SLC30A9: variants seen among roughly 807,000 people sequenced by gnomAD.
SLC30A9 encodes solute carrier family 30 member 9.
SLC30A9 carries 58 observed loss-of-function variants against 87.5 expected under a neutral mutation model. That is an observed-to-expected ratio of 0.66 (90% CI 0.54 to 0.82). The LOEUF (loss-of-function observed/expected upper bound fraction) is 0.82. Among genes scored for constraint, SLC30A9 ranks in the 40% least tolerant of loss-of-function variants. The pLI, the probability that SLC30A9 is intolerant of heterozygous loss-of-function variation, is 0.00. For synonymous variants in SLC30A9, 234 were observed against 233.0 expected (o/e 1.00, Z -0.04); for missense variants, 557 against 679.1 (o/e 0.82, Z 2.00).
At chr4:42,083,335 A>T (rs1718807893) in intron 17 of SLC30A9, among the ~76,000 whole-genome samples, 1 of 152,242 alleles carries the variant, frequency 6.6e-6, no homozygotes, top group African/African-American at 2.4e-5. Context: ...CAATGCAAGG[A>T]ATATAGATTT....
Position 41,990,764 on chromosome 4 carries a change from A to G in SLC30A9, c.109+4A>G, listed in dbSNP as rs777852870. The stretch of plus-strand genomic sequence containing the variant: ...TGTAATCCCAGCGACCGCCAGGGTG[A>G]GTGTCCCGCGCTGGCCGCTGGCTCC... On this transcript the variant is annotated splice_donor_region_variant and intron_variant, in intron 1 of 17. Transcript: ENST00000264451. 9 of 1,604,138 alleles carry G rather than the reference A, an allele frequency of 5.6e-6. No homozygotes were observed. Among genetic ancestry groups the G allele is most frequent in the Non-Finnish European group, 1.7e-6 (2 of 1,174,114 alleles).
At chr4:41,993,609 A>T (rs1296959435) in intron 1 of SLC30A9, among the ~76,000 whole-genome samples, 1 of 152,192 alleles carries the variant, frequency 6.6e-6, no homozygotes, top group Admixed American at 6.5e-5. Flanking sequence ...ATAATACCCC[A>T]TATTGAGGGT....
intron 1 of SLC30A9, among the ~76,000 whole-genome samples, chr4:41,998,146 G>C (rs1295365106): frequency 2.0e-5 from 3 of 152,230 alleles, no homozygotes; most frequent in Non-Finnish European, 2.9e-5. Flanking sequence ...TGGAGAGAGA[G>C]AGGACAAGTA....
At chr4:42,062,860 T>C in intron 10 of SLC30A9, 126 bp from the exon 11 acceptor site, 1 of 808,558 alleles carries the variant, frequency 1.2e-6, no homozygotes, top group Non-Finnish European at 1.9e-6. Flanking sequence ...GCACTTAACA[T>C]CTTACTTAAA....
At chr4:41,996,106 T>G (rs904864141) in intron 1 of SLC30A9, among the ~76,000 whole-genome samples, 13 of 151,628 alleles carry the variant, frequency 8.6e-5, no homozygotes, top group African/African-American at 2.2e-4. Flanking sequence ...TTTTTTGTGG[T>G]TTTTTTTGAG....
intron 6 of SLC30A9, among the ~76,000 whole-genome samples, chr4:42,027,244 A>T (rs539139279): frequency 2.7e-4 from 41 of 152,384 alleles, no homozygotes; most frequent in Admixed American, 1.6e-3. Context: ...AATGAAATTT[A>T]AATTTCAGAG....
At chr4:42,045,849 C>A (rs1453233502) in intron 8 of SLC30A9, among the ~76,000 whole-genome samples, 1 of 152,180 alleles carries the variant, frequency 6.6e-6, no homozygotes, top group Non-Finnish European at 1.5e-5. Flanking sequence ...GCAAATCCAG[C>A]AGCATGTCAA....
chr4:42,062,876 A>AG, intron 10 of SLC30A9, 110 bp from the exon 11 acceptor site: 1 of 916,522 alleles, frequency 1.1e-6, no homozygotes, highest in African/African-American at 1.7e-5. Flanking sequence ...TTAAATATAA[A>AG]ATTATAACAT....
At chr4:42,023,750 G>T (rs1298266312) in intron 6 of SLC30A9, among the ~76,000 whole-genome samples, 1 of 152,114 alleles carries the variant, frequency 6.6e-6, no homozygotes, top group East Asian at 1.9e-4. Context: ...CCCAAGACTG[G>T]GTAGTTTATA....
chr4:42,024,561 A>G (rs1354027917), intron 6 of SLC30A9, among the ~76,000 whole-genome samples: 3 of 152,228 alleles, frequency 2.0e-5, no homozygotes, highest in Non-Finnish European at 1.5e-5. Flanking sequence ...GAATATTTAC[A>G]TAGGATTGAG....
chr4:42,041,027 G>A (rs534882743), intron 8 of SLC30A9, among the ~76,000 whole-genome samples: 1 of 152,102 alleles, frequency 6.6e-6, no homozygotes, highest in African/African-American at 2.4e-5. Flanking sequence ...GCAAGGAGGA[G>A]CAAGTTATGT....
intron 6 of SLC30A9, chr4:42,029,290 A>G: frequency 2.1e-6 from 1 of 486,480 alleles, no homozygotes; most frequent in South Asian, 1.7e-5. Flanking sequence ...TTTAGGCAGG[A>G]CTGGTGGCAG....
chr4:41,994,135 C>T (rs71608097), intron 1 of SLC30A9, among the ~76,000 whole-genome samples: 60 of 149,892 alleles, frequency 4.0e-4, no homozygotes, highest in Non-Finnish European at 7.4e-4. Flanking sequence ...CCAGCCTGGG[C>T]GACGAGCGAA....
chr4:41,990,588 T>G lies in SLC30A9; in HGVS notation c.-64T>G, dbSNP rs543136620. 6 of 965,700 alleles carry G rather than the reference T, an allele frequency of 6.2e-6. No homozygotes were observed. Among genetic ancestry groups the G allele is most frequent in the Non-Finnish European group, 9.6e-6 (6 of 625,364 alleles). The allele number at this position is 965,700 out of a possible 1,614,324, so 59.8% of individuals were successfully genotyped here. The stretch of plus-strand genomic sequence containing the variant: ...GCTGATGTCCAGTCTATGGAGTCAG[T>G]TGGTACCGGTGGCGGCGCGGAGGCA... On this transcript the variant is annotated 5_prime_UTR_variant, in exon 1 of 18. Coordinates refer to ENST00000264451, the MANE Select transcript of SLC30A9 (RefSeq NM_006345.4).
At chr4:42,050,056 C>T (rs2153138533) in intron 9 of SLC30A9, among the ~76,000 whole-genome samples, 1 of 152,072 alleles carries the variant, frequency 6.6e-6, no homozygotes, top group South Asian at 2.1e-4. Flanking sequence ...ATTTTTAGTC[C>T]TGTTATGTAA....
intron 1 of SLC30A9, among the ~76,000 whole-genome samples, chr4:41,999,505 C>T (rs1324293345): frequency 1.3e-5 from 2 of 152,066 alleles, no homozygotes; most frequent in Non-Finnish European, 2.9e-5. Context: ...GTAGTGTTGA[C>T]CTAATAAAAA....
At chr4:42,055,788 T>G (rs1324737160) in intron 9 of SLC30A9, among the ~76,000 whole-genome samples, 1 of 152,222 alleles carries the variant, frequency 6.6e-6, no homozygotes, top group African/African-American at 2.4e-5. Context: ...ATAAAACAAC[T>G]AGAAAGATCT....
At chr4:42,081,118 A>G (rs1466314861) in intron 17 of SLC30A9, among the ~76,000 whole-genome samples, 2 of 152,228 alleles carry the variant, frequency 1.3e-5, no homozygotes, top group Admixed American at 6.5e-5. Flanking sequence ...GAGTTTGTTA[A>G]TCTTTCAAAT....
At chr4:42,055,897 C>T (rs578256912) in intron 9 of SLC30A9, among the ~76,000 whole-genome samples, 1 of 152,298 alleles carries the variant, frequency 6.6e-6, no homozygotes, top group East Asian at 1.9e-4. Context: ...TACAGTACTT[C>T]TTAGCCACTA....
Sources: gnomAD v4.1 joint callset for allele counts (sites outside exome capture counted in the v4.1 genomes callset) on GRCh38, gnomAD v4.1.1 for gene constraint, MANE v1.5 for transcripts, NCBI Gene and HGNC (gene_info 2026-07-23, HGNC 2026-07-21) for gene names.